Variants in C2orf80 observed in about 807,000 individuals in gnomAD.
C2orf80 encodes uncharacterized protein C2orf80.
Under a neutral mutation model 30.2 loss-of-function variants are expected in C2orf80, and 28 were observed. The observed-to-expected ratio is 0.93, with a 90% CI of 0.69 to 1.27. C2orf80 has a LOEUF of 1.27. Among genes scored for constraint, C2orf80 ranks in the 50% most tolerant of loss-of-function variants. The pLI, the probability that C2orf80 is intolerant of heterozygous loss-of-function variation, is 0.00. For synonymous variants in C2orf80, 80 were observed against 76.4 expected, an observed-to-expected ratio of 1.05 and a Z score of -0.24; for missense variants, 220 against 231.0, an observed-to-expected ratio of 0.95 and a Z score of 0.31.
intron 6 of C2orf80, among the ~76,000 whole-genome samples, chr2:208,173,201 G>A (rs1365118156): frequency 6.6e-6 from 1 of 150,992 alleles, no homozygotes; most frequent in African/African-American, 2.4e-5. Context: ...TCCTAGAGTG[G>A]AATACTGTAT....
chr2:208,171,893 T>C (rs1386889180), intron 7 of C2orf80, 95 bp downstream of exon 7: 1 of 1,011,172 alleles, frequency 9.9e-7, no homozygotes, highest in East Asian at 2.4e-5. Flanking sequence ...GAAATCTAAT[T>C]CCCATTACAA....
chr2:208,186,473 T>G (rs1338029674), intron 2 of C2orf80, among the ~76,000 whole-genome samples: 1 of 152,226 alleles, frequency 6.6e-6, no homozygotes, highest in East Asian at 1.9e-4. Flanking sequence ...CTTGATGTTT[T>G]CTGTGTTCGT....
chr2:208,179,385 T>G (rs6758150), intron 6 of C2orf80, among the ~76,000 whole-genome samples: 1 of 152,174 alleles, frequency 6.6e-6, no homozygotes, highest in African/African-American at 2.4e-5. Context: ...AGTAAAAGAA[T>G]AAGGGAGGCA....
intron 8 of C2orf80, among the ~76,000 whole-genome samples, chr2:208,169,006 G>C (rs1028263198): frequency 6.6e-6 from 1 of 151,316 alleles, no homozygotes; most frequent in Admixed American, 6.6e-5. Context: ...AATCTCTGCT[G>C]CCTGCGAAGT....
intron 8 of C2orf80, among the ~76,000 whole-genome samples, chr2:208,169,288 T>TGTGTGTGTGTGTGTGTGA (rs1696016805): frequency 6.6e-6 from 1 of 151,876 alleles, no homozygotes; most frequent in Non-Finnish European, 1.5e-5. Flanking sequence ...TGTGTGTGTG[T>TGTGTGTGTGTGTGTGTGA]GTGTGTGATT....
intron 6 of C2orf80, among the ~76,000 whole-genome samples, chr2:208,173,249 A>G (rs1351513645): frequency 6.6e-6 from 1 of 152,136 alleles, no homozygotes; most frequent in Non-Finnish European, 1.5e-5. Flanking sequence ...AGCTATGTGC[A>G]GCAGTATTAA....
chr2:208,180,831 C>T lies in C2orf80; in HGVS notation c.295-15G>A, dbSNP rs745456024. ...GGGATACTGTTCTGTTAAACAACAA[C>T]AGCAATAACAAAGTATGATCATACC... On this transcript the variant is annotated splice_polypyrimidine_tract_variant and intron_variant, in intron 5 of 8. Coordinates refer to ENST00000341287, the MANE Select transcript of C2orf80 (RefSeq NM_001099334.3). 1.9e-6 allele frequency: 3 copies of T among 1,604,376 alleles called. No individual in the cohort carries two copies. The highest frequency in any genetic ancestry group is 2.2e-5 in the East Asian group (1 of 44,780).
chr2:208,173,853 T>C (rs1361650767), intron 6 of C2orf80, among the ~76,000 whole-genome samples: 2 of 152,068 alleles, frequency 1.3e-5, no homozygotes, highest in Non-Finnish European at 2.9e-5. Context: ...ACACTTGGAT[T>C]TGTTTGTTTG....
chr2:208,174,844 C>T (rs2105898214), intron 6 of C2orf80, among the ~76,000 whole-genome samples: 1 of 152,314 alleles, frequency 6.6e-6, no homozygotes, highest in East Asian at 1.9e-4. Context: ...GACCACCTGC[C>T]TTTGTCTCTT....
At position 208,185,002 on chromosome 2, in the gene C2orf80, T is replaced by C; in HGVS notation, c.72A>G (p.Glu24=). 1 of 1,613,998 alleles carries C rather than the reference T, an allele frequency of 6.2e-7. No homozygotes were observed. Among genetic ancestry groups the C allele is most frequent in the Middle Eastern group, 1.6e-4 (1 of 6,062 alleles). The change falls in exon 3 of 9, where the codon GAA becomes GAG. Residue 24 remains glutamate, a synonymous_variant. Transcript: ENST00000341287. ...LGDYIGIRLR[E]NEFDPKGRRQ... ...GTCTTCCTTTTGGGTCAAATTCATT[T>C]TCCCGAAGTCTGATGCCAATATAAT... is the stretch of plus-strand genomic sequence containing the variant.
In C2orf80 at chr2:208,179,832, G is replaced by A. The variant is rs200783076; in HGVS notation, c.366+913C>T. Among the ~76,000 whole-genome samples, 20 of 152,076 alleles carry A rather than the reference G, an allele frequency of 1.3e-4. No homozygotes were observed. The East Asian group carries it at 3.9e-3, about 29-fold the overall frequency. On this transcript the variant is annotated intron_variant, in intron 6 of 8. Transcript: ENST00000341287. ...CTCCCAGGTCATTGCTGCTTCTACT[G>A]TTAATGATTTCAAAGTAGTTTCATG...
At chr2:208,171,586 G>C (rs748862703) in intron 7 of C2orf80, among the ~76,000 whole-genome samples, 12 of 152,130 alleles carry the variant, frequency 7.9e-5, no homozygotes, top group Non-Finnish European at 1.5e-4. Context: ...CTCCCAAAGT[G>C]CTGGGATTAC....
At chr2:208,186,697 G>A (rs1183855543) in intron 2 of C2orf80, among the ~76,000 whole-genome samples, 1 of 152,170 alleles carries the variant, frequency 6.6e-6, no homozygotes, top group Non-Finnish European at 1.5e-5. Context: ...GCTCTAGAAT[G>A]TGGATGCCTC....
intron 6 of C2orf80, among the ~76,000 whole-genome samples, chr2:208,176,149 C>T (rs1419479315): frequency 1.3e-5 from 2 of 152,096 alleles, no homozygotes; most frequent in Non-Finnish European, 2.9e-5. Flanking sequence ...TGTGATTTTG[C>T]CTCCCTGGGG....
chr2:208,175,222 G>GGC (rs1696247323), intron 6 of C2orf80, among the ~76,000 whole-genome samples: 1 of 145,994 alleles, frequency 6.8e-6, no homozygotes, highest in Non-Finnish European at 1.5e-5. Flanking sequence ...GGGGGGGGGG[G>GGC]GGGCGGAGGT....
intron 1 of C2orf80, 108 bp downstream of exon 1, chr2:208,189,845 A>G (rs2105918231): frequency 1.5e-6 from 1 of 679,348 alleles, no homozygotes; most frequent in African/African-American, 1.8e-5. Flanking sequence ...GAATATCTGC[A>G]CATTCCATGC....
intron 6 of C2orf80, among the ~76,000 whole-genome samples, chr2:208,176,943 GTATACATATC>G (rs1416392586): frequency 2.3e-5 from 2 of 87,652 alleles, no homozygotes; most frequent in African/African-American, 7.8e-5. Context: ...ATACATATCT[GTATACATATC>G]TGTATACATA....
intron 1 of C2orf80, among the ~76,000 whole-genome samples, chr2:208,188,041 T>C (rs1032900852): frequency 2.0e-5 from 3 of 151,690 alleles, no homozygotes; most frequent in Non-Finnish European, 4.4e-5. Flanking sequence ...GCCAATTCTG[T>C]AAAATCAAAA....
In C2orf80 at chr2:208,181,238, A is replaced by G; in HGVS notation, c.274T>C (p.Ser92Pro). Residue 92 changes from serine (S) to proline (P), a missense_variant, in exon 5 of 9, where the codon TCT (serine) becomes CCT (proline). Ser to Pro is a moderately conservative substitution (Grantham distance 74, BLOSUM62 -1). Transcript: ENST00000341287. The part of the protein sequence containing the change: ...RREREAMILS[S>P]YAGILMNSIP... ...CTTACCATTAAGATTCCAGCATAAG[A>G]TGATAAAATCATAGCTTCTCGTTCT... The G allele has an allele frequency of 6.2e-7, 1 of 1,608,426 alleles. No homozygotes were observed.
Sources: allele counts gnomAD v4.1 joint callset (sites outside exome capture counted in the v4.1 genomes callset), GRCh38; gene constraint gnomAD v4.1.1; transcripts MANE v1.5; gene names NCBI Gene and HGNC (gene_info 2026-07-23, HGNC 2026-07-21).